Variants in NUP210L observed in about 807,000 individuals in gnomAD.
NUP210L encodes nucleoporin 210 like.
NUP210L carries 74 observed loss-of-function variants against 208.5 expected under a neutral mutation model. The observed-to-expected ratio is 0.35, with a 90% CI of 0.29 to 0.43. The LOEUF (loss-of-function observed/expected upper bound fraction) is 0.43. Among genes scored for constraint, NUP210L ranks in the 20% least tolerant of loss-of-function variants. The pLI, the probability that NUP210L is intolerant of heterozygous loss-of-function variation, is 1.00. For missense variants in NUP210L, 1,843 were observed against 2,289.4 expected (o/e 0.81, Z 3.98); for synonymous variants, 780 against 816.9 (o/e 0.95, Z 0.77).
chr1:154,029,334 C>G (rs1019634092), intron 28 of NUP210L, among the ~76,000 whole-genome samples: 1 of 125,010 alleles, frequency 8.0e-6, no homozygotes, highest in African/African-American at 3.1e-5. Flanking sequence ...GCCAAGATCA[C>G]ACCACTGCAC....
intron 35 of NUP210L, among the ~76,000 whole-genome samples, chr1:154,008,233 A>C (rs947982442): frequency 2.0e-5 from 3 of 152,126 alleles, no homozygotes; most frequent in Non-Finnish European, 4.4e-5. Flanking sequence ...CCTGTAACTC[A>C]TCACCTGGTA....
chr1:154,089,309 T>C (rs549160298), intron 16 of NUP210L, 112 bp downstream of exon 16: 7 of 846,996 alleles, frequency 8.3e-6, no homozygotes, highest in Admixed American at 2.3e-5. Flanking sequence ...AGAATTACCA[T>C]ATGATCTGGC....
At chr1:154,061,248 G>A (rs1557948685) in intron 18 of NUP210L, among the ~76,000 whole-genome samples, 1 of 151,982 alleles carries the variant, frequency 6.6e-6, no homozygotes, top group African/African-American at 2.4e-5. Flanking sequence ...CATGGTGGTG[G>A]GTGTCTGTAA....
chr1:154,098,352 G>C (rs559677118), intron 14 of NUP210L, among the ~76,000 whole-genome samples: 6 of 152,356 alleles, frequency 3.9e-5, no homozygotes, highest in East Asian at 1.9e-4. Context: ...TGAGCAAGGG[G>C]TATGTTTCAG....
chr1:154,071,876 T>C (rs1487710779), intron 16 of NUP210L, among the ~76,000 whole-genome samples: 1 of 151,984 alleles, frequency 6.6e-6, no homozygotes. Context: ...GACCTCGTGA[T>C]CTGCCCACCT....
At chr1:154,000,754 A>C (rs1650162933) in intron 37 of NUP210L, 102 bp downstream of exon 37, 1 of 967,598 alleles carries the variant, frequency 1.0e-6, no homozygotes, top group African/African-American at 1.6e-5. Flanking sequence ...GTTGACAGTT[A>C]AGTGAAATGC....
intron 5 of NUP210L, among the ~76,000 whole-genome samples, chr1:154,139,006 G>A (rs543433453): frequency 1.3e-5 from 2 of 152,182 alleles, no homozygotes; most frequent in South Asian, 2.1e-4. Context: ...GGTGGCTCAC[G>A]CCTGTAATCC....
intron 20 of NUP210L, among the ~76,000 whole-genome samples, chr1:154,059,403 G>A (rs1654027915): frequency 6.6e-6 from 1 of 152,086 alleles, no homozygotes; most frequent in Non-Finnish European, 1.5e-5. Context: ...GAAGGCTGAG[G>A]TGGATCACTT....
At chr1:154,141,138 T>C (rs1658836528) in intron 4 of NUP210L, among the ~76,000 whole-genome samples, 1 of 152,178 alleles carries the variant, frequency 6.6e-6, no homozygotes, top group African/African-American at 2.4e-5. Flanking sequence ...CTCCAGCATG[T>C]GCAGGTAGCT....
chr1:154,076,633 A>T (rs912591366), intron 16 of NUP210L, among the ~76,000 whole-genome samples: 2 of 152,170 alleles, frequency 1.3e-5, no homozygotes, highest in African/African-American at 4.8e-5. Context: ...AAAGAATTGG[A>T]GAACTTGAAG....
intron 33 of NUP210L, among the ~76,000 whole-genome samples, chr1:154,016,499 T>A (rs1364088352): frequency 1.3e-5 from 2 of 152,142 alleles, no homozygotes; most frequent in African/African-American, 4.8e-5. Context: ...TACATCAAAT[T>A]TTCTGTTTCC....
chr1:154,100,844 A>T (rs916796090), intron 13 of NUP210L, among the ~76,000 whole-genome samples: 23 of 151,980 alleles, frequency 1.5e-4, no homozygotes, highest in African/African-American at 5.5e-4. Context: ...AAAGGAGATT[A>T]AGCTATGAAA....
At chr1:154,000,099 G>A (rs1027514863) in intron 37 of NUP210L, among the ~76,000 whole-genome samples, 16 of 151,954 alleles carry the variant, frequency 1.1e-4, no homozygotes, top group African/African-American at 3.6e-4. Context: ...CCAAAGTGCT[G>A]GAATTACAAG....
intron 17 of NUP210L, among the ~76,000 whole-genome samples, chr1:154,063,464 G>A (rs548919297): frequency 1.3e-5 from 2 of 152,258 alleles, no homozygotes; most frequent in African/African-American, 4.8e-5. Flanking sequence ...AGTAAACAGG[G>A]TCAGTCTGTT....
intron 27 of NUP210L, among the ~76,000 whole-genome samples, chr1:154,044,220 A>G (rs538109585): frequency 6.6e-6 from 1 of 151,992 alleles, no homozygotes; most frequent in East Asian, 2.0e-4. Context: ...AGCCTTGCCA[A>G]CATGGTGAAA....
At chr1:154,001,291 G>A (rs994237562) in intron 36 of NUP210L, among the ~76,000 whole-genome samples, 2 of 152,020 alleles carry the variant, frequency 1.3e-5, no homozygotes, top group Non-Finnish European at 2.9e-5. Flanking sequence ...TCTGCCTCCC[G>A]GGTTCAAGCA....
intron 27 of NUP210L, among the ~76,000 whole-genome samples, chr1:154,043,675 G>A (rs1199314486): frequency 6.8e-6 from 1 of 147,420 alleles, no homozygotes; most frequent in African/African-American, 2.5e-5. Flanking sequence ...CGCCCAGGCT[G>A]GAGTGCAGTG....
chr1:154,001,067 G>T lies in NUP210L; in HGVS notation c.5182-7C>A, dbSNP rs1650181018. Reference sequence around the variant, plus strand: ...CTGGGGAGCTGGAGATGACCTTGGAGAAAAGATAAAACCTTTTATTTAAAA... The same window carrying T: ...CTGGGGAGCTGGAGATGACCTTGGATAAAAGATAAAACCTTTTATTTAAAA... On this transcript the variant is annotated splice_region_variant and splice_polypyrimidine_tract_variant and intron_variant, in intron 36 of 39. Coordinates refer to ENST00000368559, the Ensembl canonical transcript of NUP210L. The T allele has an allele frequency of 6.2e-7, 1 of 1,611,746 alleles. No homozygotes were observed. The highest frequency in any genetic ancestry group is 1.3e-5 in the African/African-American group (1 of 74,888).
intron 27 of NUP210L, among the ~76,000 whole-genome samples, chr1:154,041,470 A>G (rs1406173971): frequency 1.3e-5 from 2 of 152,120 alleles, no homozygotes; most frequent in South Asian, 2.1e-4. Flanking sequence ...AGCTGGAATT[A>G]CAAGCATGTG....
Sources: gnomAD v4.1 joint callset for allele counts (sites outside exome capture counted in the v4.1 genomes callset) on GRCh38, gnomAD v4.1.1 for gene constraint, MANE v1.5 for transcripts, NCBI Gene and HGNC (gene_info 2026-07-23, HGNC 2026-07-21) for gene names.